Variants in MAP3K5 observed in about 807,000 individuals in gnomAD.
MAP3K5 encodes mitogen-activated protein kinase kinase kinase 5.
In MAP3K5, 56 loss-of-function variants were observed where a neutral mutation model predicts 158.7. That is an observed-to-expected ratio of 0.35 (90% CI 0.28 to 0.44). The LOEUF is 0.44. MAP3K5 is among the 20% of genes least tolerant of loss of function. The probability of loss-of-function intolerance (pLI) is 1.00; values close to 1 mark genes in which losing one functional copy is unlikely to be tolerated. For missense variants in MAP3K5, 1,294 were observed against 1,674.8 expected, an observed-to-expected ratio of 0.77 and a Z score of 3.97; for synonymous variants, 579 against 601.7, an observed-to-expected ratio of 0.96 and a Z score of 0.55.
intron 21 of MAP3K5, among the ~76,000 whole-genome samples, chr6:136,595,090 G>A (rs1471989776): frequency 2.0e-5 from 3 of 152,176 alleles, no homozygotes; most frequent in Non-Finnish European, 4.4e-5. Flanking sequence ...CATGTTCTAT[G>A]TGCAGAGCCC....
At chr6:136,746,520 T>C (rs1003502426) in intron 1 of MAP3K5, among the ~76,000 whole-genome samples, 3 of 152,118 alleles carry the variant, frequency 2.0e-5, no homozygotes, top group Admixed American at 6.5e-5. Flanking sequence ...GGATACACAA[T>C]TGAAAGTGGT....
intron 5 of MAP3K5, among the ~76,000 whole-genome samples, chr6:136,696,372 G>A (rs1365674665): frequency 6.6e-6 from 1 of 152,192 alleles, no homozygotes; most frequent in African/African-American, 2.4e-5. Flanking sequence ...TCCCCATAGA[G>A]CCAGATTCCC....
chr6:136,744,319 A>G (rs1782838970), intron 1 of MAP3K5, among the ~76,000 whole-genome samples: 1 of 152,080 alleles, frequency 6.6e-6, no homozygotes, highest in South Asian at 2.1e-4. Flanking sequence ...CTGTAAATCT[A>G]AAACCGCTCT....
intron 7 of MAP3K5, among the ~76,000 whole-genome samples, chr6:136,670,843 A>G (rs1779451836): frequency 6.6e-6 from 1 of 152,172 alleles, no homozygotes; most frequent in African/African-American, 2.4e-5. Flanking sequence ...TGGAATATGA[A>G]AAAAGGTACC....
intron 14 of MAP3K5, among the ~76,000 whole-genome samples, chr6:136,634,978 G>A (rs1322901924): frequency 6.0e-5 from 9 of 149,864 alleles, no homozygotes; most frequent in African/African-American, 2.0e-4. Flanking sequence ...TCTGCCTCCC[G>A]AGTTCAAGTG....
chr6:136,748,588 A>AG (rs1783061598), intron 1 of MAP3K5, among the ~76,000 whole-genome samples: 1 of 152,248 alleles, frequency 6.6e-6, no homozygotes. Context: ...ATAAAACCTG[A>AG]GAAAATATAC....
Position 136,611,398 on chromosome 6 carries a change from G to A in MAP3K5, c.2416-11C>T. 1 of 1,474,326 alleles carries A rather than the reference G, an allele frequency of 6.8e-7. No individual in the cohort carries two copies. Among genetic ancestry groups the A allele is most frequent in the Non-Finnish European group, 9.5e-7 (1 of 1,054,842 alleles). 91.3% of individuals were successfully genotyped at this position (1,474,326 alleles called of 1,614,324 possible). Reference sequence around the variant, plus strand: ...CAACACATTGTCACCCTAGAGAACAGAGGACTTTAATCACAATTGTTATCT... The same window carrying A: ...CAACACATTGTCACCCTAGAGAACAAAGGACTTTAATCACAATTGTTATCT... On this transcript the variant is annotated splice_polypyrimidine_tract_variant and intron_variant, in intron 17 of 29. Transcript: ENST00000359015.
intron 2 of MAP3K5, among the ~76,000 whole-genome samples, chr6:136,718,124 T>A (rs752720688): frequency 1.3e-5 from 2 of 152,218 alleles, no homozygotes; most frequent in African/African-American, 2.4e-5. Flanking sequence ...TGAATTTCTT[T>A]GAGCTTCGGT....
intron 20 of MAP3K5, among the ~76,000 whole-genome samples, 183 bp downstream of exon 20, chr6:136,601,619 G>A (rs777751319): frequency 1.8e-4 from 28 of 152,224 alleles, no homozygotes; most frequent in Non-Finnish European, 1.2e-4. Context: ...CCCAGCACTT[G>A]TGAAATTGAT....
intron 1 of MAP3K5, among the ~76,000 whole-genome samples, chr6:136,763,099 C>T (rs368484129): frequency 1.6e-4 from 25 of 152,106 alleles, no homozygotes; most frequent in Admixed American, 5.2e-4. Flanking sequence ...CTCAAGCCGT[C>T]CTCCCACCTC....
In MAP3K5 at chr6:136,645,378, C is replaced by T. The variant is rs551239640; in HGVS notation, c.1789-2809G>A. On this transcript the variant is annotated intron_variant, in intron 11 of 29. Transcript: ENST00000359015. Reference sequence around the variant, plus strand: ...GTAAGCATGTTTCCCTCATAAATTTCCTGGGCCTTCTGTGAGTGGCCACTG... The same window carrying T: ...GTAAGCATGTTTCCCTCATAAATTTTCTGGGCCTTCTGTGAGTGGCCACTG... Among the ~76,000 whole-genome samples, 11 of 152,252 alleles carry T rather than the reference C, an allele frequency of 7.2e-5. No homozygotes were observed. The South Asian group carries it at 8.3e-4, about 11-fold the overall frequency.
intron 13 of MAP3K5, among the ~76,000 whole-genome samples, chr6:136,639,242 T>C (rs1179185784): frequency 2.0e-5 from 3 of 152,154 alleles, no homozygotes; most frequent in Non-Finnish European, 4.4e-5. Flanking sequence ...CTGGTAATCA[T>C]ATACAGTAAG....
chr6:136,760,279 T>C (rs1362673953), intron 1 of MAP3K5, among the ~76,000 whole-genome samples: 2 of 152,212 alleles, frequency 1.3e-5, no homozygotes, highest in African/African-American at 4.8e-5. Context: ...TACAATTTTT[T>C]TTCCTTATAG....
rs747447839 is a variant in MAP3K5, at chr6:136,656,435, T to C, written c.1552A>G (p.Ile518Val). Residue 518 changes from isoleucine (I) to valine (V), a missense_variant, in exon 10 of 30, where the codon ATT (isoleucine) becomes GTT (valine). Ile to Val is a conservative substitution (Grantham distance 29). This residue lies in a region of MAP3K5 where 690 missense variants were observed against 870.5 expected (regional missense o/e 0.79). Transcript: ENST00000359015. The part of the protein sequence containing the change: ...AWYLKSIVET[I>V]LIYKHFVKLT... Reference sequence around the variant, plus strand: ...TTCACAAAATGCTTATATATTAAAATTGTCTCTACAATAGACTTGAGGTAC... The same window carrying C: ...TTCACAAAATGCTTATATATTAAAACTGTCTCTACAATAGACTTGAGGTAC... 3 of 1,598,390 alleles carry C rather than the reference T, an allele frequency of 1.9e-6. No homozygotes were observed. Among genetic ancestry groups the C allele is most frequent in the Non-Finnish European group, 2.6e-6 (3 of 1,174,058 alleles).
chr6:136,646,483 T>G (rs1041235519), intron 11 of MAP3K5, among the ~76,000 whole-genome samples: 3 of 152,212 alleles, frequency 2.0e-5, no homozygotes, highest in Admixed American at 6.5e-5. Flanking sequence ...GTACTCATTT[T>G]CCAAAAATCT....
In MAP3K5 at chr6:136,753,519, A is replaced by G. The variant is rs78439611; in HGVS notation, c.449-32930T>C. Among the ~76,000 whole-genome samples, 1,506 of 152,276 alleles carry G rather than the reference A, an allele frequency of 9.9e-3. 18 individuals are homozygous for G. The highest frequency in any genetic ancestry group is 0.035 in the African/African-American group (1,434 of 41,550). On this transcript the variant is annotated intron_variant, in intron 1 of 29. Coordinates refer to ENST00000359015, the MANE Select transcript of MAP3K5 (RefSeq NM_005923.4). ...AGTATTTTTTTTTTTCCGGAATCTAAAAGGACCAGAAAGCATTTTGATAAT... is the reference window on the plus strand; with the variant it reads ...AGTATTTTTTTTTTTCCGGAATCTAGAAGGACCAGAAAGCATTTTGATAAT...
At chr6:136,708,384 T>C (rs1472017190) in intron 2 of MAP3K5, among the ~76,000 whole-genome samples, 1 of 152,062 alleles carries the variant, frequency 6.6e-6, no homozygotes, top group Non-Finnish European at 1.5e-5. Flanking sequence ...GCCTCCCAAG[T>C]AGCTGGGACC....
chr6:136,693,690 C>T (rs968099158), intron 7 of MAP3K5, among the ~76,000 whole-genome samples: 2 of 151,980 alleles, frequency 1.3e-5, no homozygotes, highest in Non-Finnish European at 2.9e-5. Flanking sequence ...AAATTATTTA[C>T]TAAAGTTATA....
At chr6:136,754,255 A>G (rs527605998) in intron 1 of MAP3K5, among the ~76,000 whole-genome samples, 2 of 151,210 alleles carry the variant, frequency 1.3e-5, no homozygotes, top group South Asian at 4.2e-4. Context: ...CCTGGGAGAC[A>G]GAGCAAGACT....
Sources: allele counts gnomAD v4.1 joint callset (sites outside exome capture counted in the v4.1 genomes callset), GRCh38; gene constraint gnomAD v4.1.1; regional missense constraint gnomAD v4.1.1; transcripts MANE v1.5; gene names NCBI Gene and HGNC (gene_info 2026-07-23, HGNC 2026-07-21).